TLL1: variants seen among roughly 807,000 people sequenced by gnomAD.
TLL1 encodes the protein tolloid-like protein 1.
A neutral mutation model predicts 128.2 loss-of-function variants in TLL1; 49 were observed. The observed-to-expected ratio is 0.38, with a 90% CI of 0.30 to 0.48. The LOEUF (loss-of-function observed/expected upper bound fraction) is 0.48, where lower values mean the gene tolerates loss of function less well. TLL1 is among the 20% of genes least tolerant of loss of function. The pLI is 0.96. For missense variants in TLL1, 1,123 were observed against 1,242.0 expected, an observed-to-expected ratio of 0.90 and a Z score of 1.44; for synonymous variants, 454 against 418.8, an observed-to-expected ratio of 1.08 and a Z score of -1.03.
At chr4:166,093,302 A>G (rs530397722) in intron 19 of TLL1, among the ~76,000 whole-genome samples, 26 of 152,266 alleles carry the variant, frequency 1.7e-4, no homozygotes, top group African/African-American at 5.8e-4. Context: ...GGGTGATAAT[A>G]GGGAGAAGGT....
intron 1 of TLL1, among the ~76,000 whole-genome samples, chr4:165,928,799 C>T (rs1179314203): frequency 6.6e-6 from 1 of 152,194 alleles, no homozygotes; most frequent in Non-Finnish European, 1.5e-5. Context: ...CTTCATTCTC[C>T]TACTTTGCTT....
chr4:166,029,652 A>C (rs1393733868), intron 9 of TLL1, among the ~76,000 whole-genome samples: 1 of 151,974 alleles, frequency 6.6e-6, no homozygotes, highest in Non-Finnish European at 1.5e-5. Flanking sequence ...TACTCATTAA[A>C]CCCAACAAAT....
rs753410478 is a variant in TLL1, at chr4:166,003,682, T to C, written c.811+113T>C. Reference sequence around the variant, plus strand: ...ATGTAAACTGATATTTTTGATATGATAGAGTAACATTTTGCTTGATTAAAA... The same window carrying C: ...ATGTAAACTGATATTTTTGATATGACAGAGTAACATTTTGCTTGATTAAAA... On this transcript the variant is annotated intron_variant, in intron 6 of 20. Transcript: ENST00000061240. 5.6e-4 allele frequency: 612 copies of C among 1,096,868 alleles called. 1 individual carries two copies. Among genetic ancestry groups the C allele is most frequent in the Non-Finnish European group, 1.2e-4 (87 of 729,530 alleles). 67.9% of individuals were successfully genotyped at this position (1,096,868 alleles called of 1,614,324 possible). A position where few individuals can be genotyped will look rare whatever the true frequency, so the allele number is the denominator to read the frequency against.
At chr4:165,968,755 A>G (rs1163755839) in intron 1 of TLL1, among the ~76,000 whole-genome samples, 1 of 152,148 alleles carries the variant, frequency 6.6e-6, no homozygotes, top group Non-Finnish European at 1.5e-5. Context: ...GTTTTTTTCT[A>G]TCTGTGAGAT....
intron 1 of TLL1, among the ~76,000 whole-genome samples, chr4:165,943,877 A>G (rs1468624825): frequency 6.6e-6 from 1 of 152,040 alleles, no homozygotes; most frequent in East Asian, 1.9e-4. Context: ...TCATCATGGT[A>G]TTATTAGGTT....
At chr4:165,989,984 A>T (rs1041462559) in intron 2 of TLL1, among the ~76,000 whole-genome samples, 2 of 151,878 alleles carry the variant, frequency 1.3e-5, no homozygotes, top group East Asian at 1.9e-4. Context: ...TAGAGAAATT[A>T]TATAGGAAAT....
intron 1 of TLL1, among the ~76,000 whole-genome samples, chr4:165,934,621 G>A (rs550780998): frequency 6.6e-6 from 1 of 152,230 alleles, no homozygotes; most frequent in East Asian, 1.9e-4. Flanking sequence ...AAAGAGAAAA[G>A]GGCAGAGGTA....
intron 10 of TLL1, among the ~76,000 whole-genome samples, chr4:166,040,361 A>G (rs1739189549): frequency 6.6e-6 from 1 of 152,200 alleles, no homozygotes; most frequent in South Asian, 2.1e-4. Flanking sequence ...ATTGTCTTCC[A>G]TATTTAGTTT....
At chr4:166,081,330 G>A (rs1019725346) in intron 18 of TLL1, among the ~76,000 whole-genome samples, 3 of 152,210 alleles carry the variant, frequency 2.0e-5, no homozygotes, top group African/African-American at 7.2e-5. Flanking sequence ...GCTTACAGCT[G>A]TGTTTTCTGA....
chr4:166,086,705 T>C (rs1249855659), intron 18 of TLL1, among the ~76,000 whole-genome samples: 3 of 152,038 alleles, frequency 2.0e-5, no homozygotes, highest in African/African-American at 7.2e-5. Context: ...GTAAAGCAAA[T>C]CGCTAAGTCT....
intron 2 of TLL1, among the ~76,000 whole-genome samples, chr4:165,992,535 A>T (rs1197327975): frequency 1.3e-5 from 2 of 152,046 alleles, no homozygotes; most frequent in African/African-American, 4.8e-5. Flanking sequence ...AAATGTTTCA[A>T]ATTATCAATA....
intron 18 of TLL1, among the ~76,000 whole-genome samples, chr4:166,082,363 A>AT (rs1560859463): frequency 2.6e-5 from 4 of 152,050 alleles, no homozygotes. Flanking sequence ...TCCAAGTAAC[A>AT]TTTTTGTTCT....
intron 1 of TLL1, among the ~76,000 whole-genome samples, chr4:165,930,677 A>G (rs1733475641): frequency 6.6e-6 from 1 of 152,234 alleles, no homozygotes; most frequent in Non-Finnish European, 1.5e-5. Flanking sequence ...AATTTCTGCA[A>G]TTGAGATCAG....
intron 1 of TLL1, among the ~76,000 whole-genome samples, chr4:165,981,526 T>A (rs9991076): frequency 0.08 from 12,168 of 152,112 alleles, 1,597 homozygotes; most frequent in African/African-American, 0.27. Context: ...AATTTATATC[T>A]ACTAGCTAAA....
Position 165,932,262 on chromosome 4 carries a change from T to C in TLL1, c.170-57119T>C, listed in dbSNP as rs149798548. On this transcript the variant is annotated intron_variant, in intron 1 of 20. Transcript: ENST00000061240. ...TTTCAGCTATTTGACATGTATTATA[T>C]GCTTTTAACTCTGAAAACGCTGTGT... Among the ~76,000 whole-genome samples, 500 of 152,324 alleles carry C rather than the reference T, an allele frequency of 3.3e-3. 4 individuals carry two copies. Among genetic ancestry groups the C allele is most frequent in the African/African-American group, 0.012 (491 of 41,582 alleles).
At chr4:165,979,810 TA>T (rs1560787636) in intron 1 of TLL1, among the ~76,000 whole-genome samples, 1 of 152,028 alleles carries the variant, frequency 6.6e-6, no homozygotes, top group African/African-American at 2.4e-5. Flanking sequence ...AACAAATAAA[TA>T]AACAAAGATT....
intron 1 of TLL1, among the ~76,000 whole-genome samples, chr4:165,905,279 C>G (rs924112271): frequency 3.3e-5 from 5 of 152,140 alleles, no homozygotes; most frequent in African/African-American, 1.2e-4. Flanking sequence ...ACCTAATAGT[C>G]CCAAATTGGA....
intron 1 of TLL1, among the ~76,000 whole-genome samples, chr4:165,977,477 CCAGT>C: frequency 6.6e-6 from 1 of 152,176 alleles, no homozygotes; most frequent in African/African-American, 2.4e-5. Flanking sequence ...TATAAATTAC[CCAGT>C]CATGAATATT....
In TLL1 at chr4:166,081,414, A is replaced by G. The variant is rs897575185; in HGVS notation, c.2442+3384A>G. 5.3e-5 allele frequency among the ~76,000 whole-genome samples: 8 copies of G among 152,278 alleles called. No homozygotes were observed. In the East Asian group the frequency reaches 1.5e-3, roughly 29 times the overall value. ...TCCCTTTCTCAAGCCTGAAACACCA[A>G]GGAAGGCACTCATGCACCTCCTGCT... On this transcript the variant is annotated intron_variant, in intron 18 of 20. Transcript: ENST00000061240.
Sources: allele counts gnomAD v4.1 joint callset (sites outside exome capture counted in the v4.1 genomes callset), GRCh38; gene constraint gnomAD v4.1.1; transcripts MANE v1.5; gene names NCBI Gene and HGNC (gene_info 2026-07-23, HGNC 2026-07-21).